DNAH6: variants seen among roughly 807,000 people sequenced by gnomAD.
DNAH6 encodes dynein axonemal heavy chain 6.
A neutral mutation model predicts 491.4 loss-of-function variants in DNAH6; 340 were observed. That is an observed-to-expected ratio of 0.69 (90% CI 0.63 to 0.76). The LOEUF is 0.76. Ranked by LOEUF, DNAH6 falls within the 30% of genes least tolerant of loss-of-function variation. The pLI is 0.00. For synonymous variants in DNAH6, 1,603 were observed against 1,686.1 expected (o/e 0.95, Z 1.21); for missense variants, 4,443 against 4,972.2 (o/e 0.89, Z 3.20).
chr2:84,493,294 TAATG>T, the DNAH6 span, among the ~76,000 whole-genome samples: 31 of 152,150 alleles, frequency 2.0e-4, no homozygotes, highest in Non-Finnish European at 5.9e-5. Context: ...CAAAATGAAA[TAATG>T]TATAATATTC....
At position 84,544,483 on chromosome 2, in the gene DNAH6, T is replaced by G. The variant is rs1678582485; in HGVS notation, c.913T>G (p.Leu305Val). The G allele has an allele frequency of 6.7e-7, 1 of 1,482,770 alleles. No homozygotes were observed. The highest frequency in any genetic ancestry group is 2.5e-5 in the East Asian group (1 of 40,382). 91.9% of individuals were successfully genotyped at this position (1,482,770 alleles called of 1,614,324 possible). ...TGCQKSLQKN[L>V]FIVNPHLRPA... ...ATGTCAAAAATCTCTACAAAAAAAT[T>G]TGTTCATTGTTAATCCTGTATGTAT... Residue 305 changes from leucine (L) to valine (V), a missense_variant, in exon 5 of 77, where the codon TTG becomes GTG. Coordinates refer to ENST00000389394, the MANE Select transcript of DNAH6 (RefSeq NM_001370.2).
intron 29 of DNAH6, among the ~76,000 whole-genome samples, chr2:84,632,881 T>C (rs377730188): frequency 7.2e-4 from 110 of 152,356 alleles, no homozygotes; most frequent in African/African-American, 2.5e-3. Flanking sequence ...CTAAATTATC[T>C]CCACTTTCTC....
the DNAH6 span, among the ~76,000 whole-genome samples, chr2:84,460,786 A>G: frequency 1.3e-5 from 2 of 152,222 alleles, no homozygotes; most frequent in Non-Finnish European, 2.9e-5. Flanking sequence ...AGGTCTCACT[A>G]ACGCAGGCCT....
intron 44 of DNAH6, among the ~76,000 whole-genome samples, chr2:84,687,648 G>C (rs1694405725): frequency 1.3e-5 from 2 of 152,238 alleles, no homozygotes; most frequent in East Asian, 3.9e-4. Flanking sequence ...AAAAAAAACA[G>C]CTAGACTCTT....
At chr2:84,493,753 A>G in the DNAH6 span, among the ~76,000 whole-genome samples, 1 of 152,230 alleles carries the variant, frequency 6.6e-6, no homozygotes, top group African/African-American at 2.4e-5. Context: ...ATGGTCCAAG[A>G]GGAAGCTAGG....
chr2:84,679,713 T>C (rs1178663341), intron 41 of DNAH6, among the ~76,000 whole-genome samples: 2 of 152,216 alleles, frequency 1.3e-5, no homozygotes, highest in Non-Finnish European at 2.9e-5. Flanking sequence ...ACGCTAATTT[T>C]AATGTATGGA....
At chr2:84,777,197 A>C (rs576157562) in intron 64 of DNAH6, 1 of 191,314 alleles carries the variant, frequency 5.2e-6, no homozygotes, top group African/African-American at 2.4e-5. Flanking sequence ...ATACATATGT[A>C]ACAAACCTGC....
the DNAH6 span, among the ~76,000 whole-genome samples, chr2:84,488,029 T>G: frequency 6.6e-6 from 1 of 152,188 alleles, no homozygotes; most frequent in Non-Finnish European, 1.5e-5. Flanking sequence ...TCCAGTCTAC[T>G]TTTGTACTCA....
At chr2:84,678,074 G>A (rs1345547022) in intron 41 of DNAH6, among the ~76,000 whole-genome samples, 2 of 152,244 alleles carry the variant, frequency 1.3e-5, no homozygotes, top group East Asian at 3.9e-4. Context: ...GACAGACCCC[G>A]CATGTATACA....
Position 84,636,611 on chromosome 2 carries a change from G to A in DNAH6, c.4654-599G>A, listed in dbSNP as rs79543663. Among the ~76,000 whole-genome samples the A allele has an allele frequency of 6.7e-4, 102 of 152,306 alleles. No individual in the cohort carries two copies. The East Asian group carries it at 0.018, about 27-fold the overall frequency. The stretch of plus-strand genomic sequence containing the variant: ...GCTGTTAAGTAAAAGTGAAGGGGTG[G>A]TGACAAAAACAGTGACAGTGGGGCC... On this transcript the variant is annotated intron_variant, in intron 30 of 76. Coordinates refer to ENST00000389394, the MANE Select transcript of DNAH6 (RefSeq NM_001370.2).
chr2:84,743,457 TC>T (rs1672693376), intron 62 of DNAH6, among the ~76,000 whole-genome samples: 1 of 152,250 alleles, frequency 6.6e-6, no homozygotes, highest in Non-Finnish European at 1.5e-5. Flanking sequence ...TTCAGAAACT[TC>T]CTAATTGCCT....
At chr2:84,591,125 G>A (rs941332962) in intron 16 of DNAH6, among the ~76,000 whole-genome samples, 4 of 152,184 alleles carry the variant, frequency 2.6e-5, no homozygotes, top group Non-Finnish European at 5.9e-5. Flanking sequence ...GACTGCTCAA[G>A]GGACAAACTT....
chr2:84,685,907 A>G (rs1452771111), intron 43 of DNAH6, among the ~76,000 whole-genome samples: 1 of 152,158 alleles, frequency 6.6e-6, no homozygotes, highest in East Asian at 1.9e-4. Flanking sequence ...AAGCCAGGAT[A>G]GGCCAGGCGC....
chr2:84,638,704 G>T (rs1689102203), intron 31 of DNAH6, among the ~76,000 whole-genome samples: 1 of 152,124 alleles, frequency 6.6e-6, no homozygotes, highest in African/African-American at 2.4e-5. Context: ...TTCTTGCATT[G>T]CCATAAAGAA....
intron 31 of DNAH6, 86 bp from the exon 32 acceptor site, chr2:84,640,344 G>C (rs1190339541): frequency 2.4e-6 from 2 of 825,854 alleles, no homozygotes; most frequent in Admixed American, 3.0e-5. Flanking sequence ...ATAATGTTTA[G>C]AGTCAATTTT....
chr2:84,479,606 C>T, the DNAH6 span, among the ~76,000 whole-genome samples: 1 of 152,186 alleles, frequency 6.6e-6, no homozygotes, highest in Non-Finnish European at 1.5e-5. Context: ...CCCTGAGACC[C>T]TGAATGTAGC....
intron 22 of DNAH6, among the ~76,000 whole-genome samples, chr2:84,612,697 TATC>T (rs1316961904): frequency 9.9e-5 from 15 of 152,114 alleles, no homozygotes; most frequent in Non-Finnish European, 1.8e-4. Context: ...CACATCTCCT[TATC>T]AGCCTCTGAC....
At chr2:84,692,940 C>T (rs765252520) in intron 45 of DNAH6, among the ~76,000 whole-genome samples, 2 of 152,178 alleles carry the variant, frequency 1.3e-5, no homozygotes, top group Non-Finnish European at 2.9e-5. Context: ...TAATCATAAA[C>T]TTTTCAATTG....
intron 46 of DNAH6, among the ~76,000 whole-genome samples, chr2:84,697,341 G>C (rs1362299108): frequency 1.3e-5 from 2 of 152,126 alleles, no homozygotes; most frequent in Non-Finnish European, 2.9e-5. Context: ...TAAAATACTT[G>C]CACATATGAC....
Sources: gnomAD v4.1 joint callset for allele counts (sites outside exome capture counted in the v4.1 genomes callset) on GRCh38, gnomAD v4.1.1 for gene constraint, MANE v1.5 for transcripts, NCBI Gene and HGNC (gene_info 2026-07-23, HGNC 2026-07-21) for gene names.